The following OR56A3 variants were observed in gnomAD, a reference collection of about 807,000 sequenced individuals.
OR56A3 encodes the protein olfactory receptor 56A3.
A neutral mutation model predicts 17.5 loss-of-function variants in OR56A3; 23 were observed. The observed-to-expected ratio is 1.32, with a 90% CI of 0.95 to 1.87. The LOEUF (loss-of-function observed/expected upper bound fraction) is 1.87. Among genes scored for constraint, OR56A3 ranks in the 40% most tolerant of loss-of-function variants. OR56A3 has a pLI of 0.00. For synonymous variants in OR56A3, 175 were observed against 150.6 expected, an observed-to-expected ratio of 1.16 and a Z score of -1.19; for missense variants, 366 against 380.1, an observed-to-expected ratio of 0.96 and a Z score of 0.31.
rs1328662386 is a variant in OR56A3, at chr11:5,948,120, C to A, written c.774C>A (p.Ile258=). The change falls in exon 3 of 3, where the codon ATC becomes ATA. Residue 258 remains isoleucine, a synonymous_variant. Coordinates refer to ENST00000641160, the MANE Select transcript of OR56A3 (RefSeq NM_001003443.3). ...TGCTCATCCTCTTCTTCAGCACCATCCTTCTGGTTTTTGTCCTCACACATG... is the reference window on the plus strand; with the variant it reads ...TGCTCATCCTCTTCTTCAGCACCATACTTCTGGTTTTTGTCCTCACACATG... ...HFMLILFFST[I]LLVFVLTHVA... The A allele has an allele frequency of 3.1e-6, 5 of 1,614,230 alleles. No individual in the cohort carries two copies. The highest frequency in any genetic ancestry group is 4.2e-6 in the Non-Finnish European group (5 of 1,180,034).
At chr11:5,992,720 C>T in the OR56A3 span, among the ~76,000 whole-genome samples, 1 of 152,156 alleles carries the variant, frequency 6.6e-6, no homozygotes, top group African/African-American at 2.4e-5. Context: ...GGGCTGAGGC[C>T]TTCTCTATCT....
chr11:5,965,361 T>C, the OR56A3 span, among the ~76,000 whole-genome samples: 2 of 152,296 alleles, frequency 1.3e-5, no homozygotes, highest in South Asian at 2.1e-4. Context: ...CATATTGAGA[T>C]TGGTGAGTCA....
At chr11:5,960,928 A>G in the OR56A3 span, among the ~76,000 whole-genome samples, 1 of 148,916 alleles carries the variant, frequency 6.7e-6, no homozygotes. Flanking sequence ...CTGTCTGGGA[A>G]CTGAGGAGTG....
chr11:5,966,259 A>G, the OR56A3 span, among the ~76,000 whole-genome samples: 103 of 151,068 alleles, frequency 6.8e-4, 1 homozygote, highest in African/African-American at 2.2e-3. Context: ...CTGTAGTCCC[A>G]GCTACTTGGG....
At chr11:5,955,564 CACCT>C (rs1400939437), downstream of OR56A3, among the ~76,000 whole-genome samples, 1 of 152,092 alleles carries the variant, frequency 6.6e-6, no homozygotes, top group Non-Finnish European at 1.5e-5. Flanking sequence ...GTCAAGCGGG[CACCT>C]TGGGAGATTA....
the OR56A3 span, chr11:5,967,694 G>A: frequency 1.2e-6 from 2 of 1,613,610 alleles, no homozygotes; most frequent in Non-Finnish European, 1.7e-6. Context: ...TTCTCTTCCT[G>A]GCCAGGTTAG....
chr11:5,944,181 A>G (rs1847855313), intron 1 of OR56A3, among the ~76,000 whole-genome samples: 1 of 152,250 alleles, frequency 6.6e-6, no homozygotes, highest in Non-Finnish European at 1.5e-5. Context: ...TCTATCAAGG[A>G]AAATGGCAAA....
the OR56A3 span, chr11:5,986,494 T>C: frequency 2.5e-6 from 4 of 1,613,684 alleles, no homozygotes; most frequent in Admixed American, 6.7e-5. Flanking sequence ...GTGCAAGGGG[T>C]GACAAATGGC....
chr11:5,993,724 TAAAAG>T, the OR56A3 span, among the ~76,000 whole-genome samples: 2 of 152,192 alleles, frequency 1.3e-5, no homozygotes, highest in African/African-American at 2.4e-5. Context: ...CTTTAAAAAG[TAAAAG>T]AAAACATGTA....
chr11:5,977,267 T>C, the OR56A3 span, among the ~76,000 whole-genome samples: 1 of 152,338 alleles, frequency 6.6e-6, no homozygotes, highest in African/African-American at 2.4e-5. Context: ...AGTTCTGTAC[T>C]ATGTTCTTTG....
At chr11:5,994,500 CT>C in the OR56A3 span, 1 of 794,562 alleles carries the variant, frequency 1.3e-6, no homozygotes, top group Non-Finnish European at 2.2e-6. Flanking sequence ...GCTTGTAGGC[CT>C]TTTACTTCCT....
chr11:5,978,674 G>A, the OR56A3 span, among the ~76,000 whole-genome samples: 8 of 152,062 alleles, frequency 5.3e-5, no homozygotes, highest in African/African-American at 1.7e-4. Flanking sequence ...GAGATAGTTT[G>A]ACTTCCTCTC....
chr11:5,967,601 T>C, the OR56A3 span: 1 of 1,613,580 alleles, frequency 6.2e-7, no homozygotes, highest in Non-Finnish European at 8.5e-7. Context: ...TCTCCTTGGT[T>C]CTCACACCAT....
At position 5,949,959 on chromosome 11, in the gene OR56A3, A is replaced by G. The variant is rs1358097856; in HGVS notation, c.*1665A>G. The G allele has an allele frequency of 1.3e-5, 2 of 152,302 alleles. No homozygotes were observed. Among genetic ancestry groups the G allele is most frequent in the Admixed American group, 6.5e-5 (1 of 15,292 alleles). The allele number at this position is 152,302 out of a possible 1,614,324, so 9.4% of individuals were successfully genotyped here. ...GAGTAGATACACCTTTTTCTTTATT[A>G]CTCAAAGAAGAAGGACTCTCTAAAA... On this transcript the variant is annotated 3_prime_UTR_variant, in exon 3 of 3. Transcript: ENST00000641160.
At chr11:5,994,346 C>A in the OR56A3 span, 1 of 685,848 alleles carries the variant, frequency 1.5e-6, no homozygotes, top group South Asian at 1.4e-5. Context: ...TCTCCTCAAT[C>A]TGCTGAGACC....
At chr11:5,986,059 T>G in the OR56A3 span, 22 of 1,613,818 alleles carry the variant, frequency 1.4e-5, no homozygotes, top group Non-Finnish European at 1.7e-5. Context: ...CAGAAGAACA[T>G]GGACATGATG....
the OR56A3 span, chr11:5,995,002 C>T: frequency 1.2e-5 from 8 of 672,606 alleles, no homozygotes; most frequent in Non-Finnish European, 2.2e-5. Context: ...CACCTGGAAG[C>T]TGGTGGACCA....
At chr11:5,981,977 G>C in the OR56A3 span, among the ~76,000 whole-genome samples, 1 of 152,152 alleles carries the variant, frequency 6.6e-6, no homozygotes, top group Non-Finnish European at 1.5e-5. Context: ...TGAGGAGCTG[G>C]GACAAGGCCC....
chr11:5,967,825 T>TA, the OR56A3 span: 4 of 1,565,686 alleles, frequency 2.6e-6, no homozygotes, highest in Admixed American at 7.7e-5. Flanking sequence ...GTTTTCAAGA[T>TA]AAAAAAGTAA....
Sources: allele counts gnomAD v4.1 joint callset (sites outside exome capture counted in the v4.1 genomes callset), GRCh38; gene constraint gnomAD v4.1.1; transcripts MANE v1.5; gene names NCBI Gene and HGNC (gene_info 2026-07-23, HGNC 2026-07-21).